SNRNP35: variants seen among roughly 807,000 people sequenced by gnomAD.
SNRNP35 encodes the protein U11/U12 small nuclear ribonucleoprotein 35 kDa protein.
Under a neutral mutation model 24.3 loss-of-function variants are expected in SNRNP35, and 16 were observed. The ratio of observed to expected loss-of-function variants is 0.66; its 90% CI spans 0.45 to 1.00. The LOEUF (loss-of-function observed/expected upper bound fraction) is 1.00. SNRNP35 is among the 50% of genes least tolerant of loss of function. The pLI, the probability that SNRNP35 is intolerant of heterozygous loss-of-function variation, is 0.00. For synonymous variants in SNRNP35, 106 were observed against 124.8 expected (o/e 0.85, Z 1.00); for missense variants, 292 against 327.2 (o/e 0.89, Z 0.83).
At chr12:123,459,948 G>C (rs928478630) in intron 1 of SNRNP35, 11 of 1,234,804 alleles carry the variant, frequency 8.9e-6, no homozygotes, top group South Asian at 1.3e-5. Flanking sequence ...CAAAATCCAT[G>C]CTTATCCGTT....
intron 1 of SNRNP35, chr12:123,459,033 T>G (rs1880452323): frequency 1.3e-5 from 2 of 151,778 alleles, no homozygotes; most frequent in Admixed American, 1.3e-4. Context: ...ACATTTCGGG[T>G]CAAGCAGTCC....
rs774575613 is a variant in SNRNP35 at position 123,465,588 on chromosome 12, G to A, written c.48G>A (p.Ala16=). The part of the protein sequence containing the change: ...PIAKEYDPLK[A]GSIDGTDEDP... ...CCAAGGAGTATGATCCACTCAAAGC[G>A]GGCAGCATTGATGGCACCGATGAAG... The change falls in exon 2 of 2, where the codon GCG becomes GCA. Residue 16 remains alanine, a synonymous_variant. Coordinates refer to ENST00000526639, the MANE Select transcript of SNRNP35 (RefSeq NM_022717.4). This position sits in a 1 kb window ranked among gnomAD's most constrained non-coding sequence, Gnocchi z 4.2. 13 of 1,593,194 alleles carry A rather than the reference G, an allele frequency of 8.2e-6. No individual in the cohort carries two copies. The Admixed American group carries it at 8.9e-5, about 11-fold the overall frequency.
exon 2 of SNRNP35, chr12:123,472,462 A>T (rs1196613994): frequency 6.7e-7 from 1 of 1,500,474 alleles, no homozygotes; most frequent in African/African-American, 1.4e-5. Flanking sequence ...TGAGGCAGCA[A>T]TGACCCCTGG....
rs149085578 is a variant in SNRNP35 at position 123,459,690 on chromosome 12, A to C, written c.-4+1474A>C. The C allele has an allele frequency of 4.6e-5, 28 of 606,362 alleles. No individual in the cohort carries two copies. In the East Asian group the frequency reaches 8.5e-4, roughly 18 times the overall value. The allele number at this position is 606,362 out of a possible 1,614,324, so 37.6% of individuals were successfully genotyped here. On this transcript the variant is annotated intron_variant, in intron 1 of 1. Transcript: ENST00000526639. ...GTAATCCCAGCTACTCGGGAGGCTGAGGCAGGAGAATCACTTGAACCTGGG... is the reference window on the plus strand; with the variant it reads ...GTAATCCCAGCTACTCGGGAGGCTGCGGCAGGAGAATCACTTGAACCTGGG...
At chr12:123,462,812 G>C (rs557025436) in intron 1 of SNRNP35, among the ~76,000 whole-genome samples, 52 of 152,074 alleles carry the variant, frequency 3.4e-4, no homozygotes, top group South Asian at 8.3e-4. Flanking sequence ...CTTGAGTGCA[G>C]TGTCATTGAT....
Position 123,465,633 on chromosome 12 carries a change from C to T in SNRNP35, c.93C>T (p.Val31=). The T allele has an allele frequency of 1.6e-5, 26 of 1,613,542 alleles. No homozygotes were observed. Among genetic ancestry groups the T allele is most frequent in the Non-Finnish European group, 2.2e-5 (26 of 1,179,732 alleles). ...ATGAAGACCCACACGACCGCGCGGT[C>T]TGGAGGGCAATGCTGGCACGATATG... is the stretch of plus-strand genomic sequence containing the variant. The part of the protein sequence containing the change: ...GTDEDPHDRA[V]WRAMLARYVP... Residue 31 remains valine (V), a synonymous_variant, in exon 2 of 2, where the codon GTC becomes GTT. Coordinates refer to ENST00000526639, the MANE Select transcript of SNRNP35 (RefSeq NM_022717.4). The surrounding 1 kb of genome is among the most constrained non-coding windows in gnomAD (Gnocchi z 4.2).
At chr12:123,463,758 GTTTTTAT>G in intron 1 of SNRNP35, among the ~76,000 whole-genome samples, 1 of 149,208 alleles carries the variant, frequency 6.7e-6, no homozygotes, top group Non-Finnish European at 1.5e-5. Context: ...ACCTGGTTTG[GTTTTTAT>G]TTTTTATTTT....
chr12:123,459,171 C>T (rs921417762), intron 1 of SNRNP35: 6 of 152,464 alleles, frequency 3.9e-5, no homozygotes, highest in Non-Finnish European at 7.3e-5. Flanking sequence ...TTTCTGGGCT[C>T]AAGCGATCCT....
chr12:123,466,251 G>A lies in SNRNP35; in HGVS notation c.711G>A (p.Lys237=). ...GGGACTTCAGAGATGACAGGATCAAGGGGAGGGAGAAGAAGGAAAGAGGCA... is the reference window on the plus strand; with the variant it reads ...GGGACTTCAGAGATGACAGGATCAAAGGGAGGGAGAAGAAGGAAAGAGGCA... The part of the protein sequence containing the change: ...RERDFRDDRI[K]GREKKERGK Residue 237 remains lysine (K), a synonymous_variant, in exon 2 of 2, where the codon AAG becomes AAA. Coordinates refer to ENST00000526639, the MANE Select transcript of SNRNP35 (RefSeq NM_022717.4). 2.0e-6 allele frequency: 3 copies of A among 1,526,660 alleles called. No individual in the cohort carries two copies. Among genetic ancestry groups the A allele is most frequent in the Non-Finnish European group, 2.6e-6 (3 of 1,139,966 alleles). The allele number at this position is 1,526,660 out of a possible 1,614,324, so 94.6% of individuals were successfully genotyped here.
intron 1 of SNRNP35, chr12:123,460,046 T>A: frequency 3.2e-6 from 2 of 627,342 alleles, no homozygotes; most frequent in Middle Eastern, 6.5e-4. Flanking sequence ...ATTTGGTAGA[T>A]CCTTGTGACT....
chr12:123,458,810 G>A (rs908711947), intron 1 of SNRNP35, among the ~76,000 whole-genome samples: 37 of 151,882 alleles, frequency 2.4e-4, no homozygotes, highest in Non-Finnish European at 4.7e-4. Context: ...TAGCCAGGAT[G>A]GTCTCGATCT....
At chr12:123,460,602 C>CAAAAAAA (rs35255989) in intron 1 of SNRNP35, among the ~76,000 whole-genome samples, 5 of 78,672 alleles carry the variant, frequency 6.4e-5, no homozygotes, top group African/African-American at 2.2e-4. Flanking sequence ...CCCATCTCTA[C>CAAAAAAA]AAAAAAAAAA....
chr12:123,465,896 A>T lies in SNRNP35; in HGVS notation c.356A>T (p.Gln119Leu). The change falls in exon 2 of 2, where the codon CAG (glutamine) becomes CTG (leucine). Residue 119 changes from glutamine to leucine, a missense_variant. Transcript: ENST00000526639. This position sits in a 1 kb window ranked among gnomAD's most constrained non-coding sequence, Gnocchi z 4.2. Reference protein sequence around the residue: ...YRDADGLVIDQHEIFVDYELE... With the variant: ...YRDADGLVIDLHEIFVDYELE... ...GATGCTGATGGCCTGGTTATTGACCAGCATGAGATATTTGTGGACTACGAG... is the reference window on the plus strand; with the variant it reads ...GATGCTGATGGCCTGGTTATTGACCTGCATGAGATATTTGTGGACTACGAG... 1 of 1,614,034 alleles carries T rather than the reference A, an allele frequency of 6.2e-7. No individual in the cohort carries two copies. Among genetic ancestry groups the T allele is most frequent in the East Asian group, 2.2e-5 (1 of 44,884 alleles).
At chr12:123,461,034 C>A (rs540617556) in intron 1 of SNRNP35, among the ~76,000 whole-genome samples, 1 of 146,222 alleles carries the variant, frequency 6.8e-6, no homozygotes, top group South Asian at 2.2e-4. Flanking sequence ...AGGCTAGTCT[C>A]GAACTCCTGG....
exon 2 of SNRNP35, chr12:123,472,407 CTGTT>C: frequency 2.2e-6 from 2 of 914,504 alleles, no homozygotes; most frequent in Non-Finnish European, 1.6e-6. Context: ...ATCAGACAGT[CTGTT>C]TGAGGGGTCA....
Position 123,465,673 on chromosome 12 carries a change from G to A in SNRNP35, c.133G>A (p.Val45Ile). The A allele has an allele frequency of 1.2e-6, 2 of 1,613,970 alleles. No homozygotes were observed. Among genetic ancestry groups the A allele is most frequent in the Non-Finnish European group, 8.5e-7 (1 of 1,179,966 alleles). ...MLARYVPNKG[V>I]IGDPLLTLFV... ...GGCACGATATGTCCCCAACAAAGGTGTCATAGGAGATCCCCTCCTCACCCT... is the reference window on the plus strand; with the variant it reads ...GGCACGATATGTCCCCAACAAAGGTATCATAGGAGATCCCCTCCTCACCCT... The change falls in exon 2 of 2, where the codon GTC becomes ATC. Residue 45 changes from valine to isoleucine, a missense_variant. Val to Ile is a conservative substitution (Grantham distance 29). Coordinates refer to ENST00000526639, the MANE Select transcript of SNRNP35 (RefSeq NM_022717.4). The surrounding 1 kb of genome is among the most constrained non-coding windows in gnomAD (Gnocchi z 4.2).
intron 1 of SNRNP35, among the ~76,000 whole-genome samples, chr12:123,460,798 A>G (rs1026234968): frequency 6.6e-6 from 1 of 151,374 alleles, no homozygotes; most frequent in Non-Finnish European, 1.5e-5. Context: ...AGCTGGGATT[A>G]CAGGCATGCA....
In SNRNP35 at chr12:123,463,718, T is replaced by C. The variant is rs1412045815; in HGVS notation, c.-3-1820T>C. On this transcript the variant is annotated intron_variant, in intron 1 of 1. Coordinates refer to ENST00000526639, the MANE Select transcript of SNRNP35 (RefSeq NM_022717.4). ...CTCGCCAGTTTTGTTTTGTTTTTTT[T>C]CTTAACTTTTGGGACTTCTTCCAGG... Among the ~76,000 whole-genome samples the C allele has an allele frequency of 3.3e-5, 5 of 151,876 alleles. No homozygotes were observed. The East Asian group carries it at 5.8e-4, about 18-fold the overall frequency.
At chr12:123,458,507 G>A (rs374659124) in intron 1 of SNRNP35, among the ~76,000 whole-genome samples, 8 of 151,960 alleles carry the variant, frequency 5.3e-5, no homozygotes, top group African/African-American at 1.9e-4. Flanking sequence ...AAACTTAGGT[G>A]TTTGCCTCCG....
Sources: gnomAD v4.1 joint callset for allele counts (sites outside exome capture counted in the v4.1 genomes callset) on GRCh38, gnomAD v4.1.1 for gene constraint, Gnocchi (gnomAD v3.1) non-coding constraint, MANE v1.5 for transcripts, NCBI Gene and HGNC (gene_info 2026-07-23, HGNC 2026-07-21) for gene names.